Variants in FMN1 observed in about 807,000 individuals in gnomAD.
FMN1 encodes formin 1.
In FMN1, 110 loss-of-function variants were observed where a neutral mutation model predicts 132.4. That is an observed-to-expected ratio of 0.83 (90% CI 0.71 to 0.97). The LOEUF (loss-of-function observed/expected upper bound fraction) is 0.97, where lower values mean the gene tolerates loss of function less well. FMN1 is among the 50% of genes least tolerant of loss of function. FMN1 has a pLI of 0.00. For synonymous variants in FMN1, 722 were observed against 651.7 expected, an observed-to-expected ratio of 1.11 and a Z score of -1.64; for missense variants, 1,792 against 1,705.3, an observed-to-expected ratio of 1.05 and a Z score of -0.90.
chr15:32,906,335 G>A (rs1052895362), intron 12 of FMN1, among the ~76,000 whole-genome samples: 13 of 152,170 alleles, frequency 8.5e-5, no homozygotes, highest in African/African-American at 2.9e-4. Flanking sequence ...AGAGTCAACA[G>A]AAGGACAACA....
chr15:33,179,662 G>C (rs1165134874), intron 3 of FMN1, among the ~76,000 whole-genome samples: 1 of 152,180 alleles, frequency 6.6e-6, no homozygotes, highest in Non-Finnish European at 1.5e-5. Context: ...GTCATGAAAA[G>C]AGTTTTGTTC....
chr15:33,128,830 C>T (rs533786093), intron 4 of FMN1, among the ~76,000 whole-genome samples: 24 of 152,346 alleles, frequency 1.6e-4, no homozygotes, highest in Non-Finnish European at 2.4e-4. Context: ...ACAAAGCCTC[C>T]GCAATGCGGA....
intron 3 of FMN1, among the ~76,000 whole-genome samples, chr15:33,179,745 AATCACT>A (rs1965632328): frequency 2.0e-5 from 3 of 152,258 alleles, no homozygotes; most frequent in African/African-American, 4.8e-5. Context: ...CCATTGAGTG[AATCACT>A]TATTAATACA....
At position 33,044,158 on chromosome 15, in the gene FMN1, C is replaced by A. The variant is rs1248913414; in HGVS notation, c.2161+20799G>T. Reference sequence around the variant, plus strand: ...CTTGGTGCCCTCAAGACTTTGGGCACCAATGAGCATGGGATGGAGGCTGAG... The same window carrying A: ...CTTGGTGCCCTCAAGACTTTGGGCAACAATGAGCATGGGATGGAGGCTGAG... On this transcript the variant is annotated intron_variant, in intron 6 of 20. Coordinates refer to ENST00000616417, the MANE Select transcript of FMN1 (RefSeq NM_001277313.2). 2.6e-5 allele frequency among the ~76,000 whole-genome samples: 4 copies of A among 152,328 alleles called. No individual in the cohort carries two copies. The East Asian group carries it at 5.8e-4, about 22-fold the overall frequency.
intron 2 of FMN1, among the ~76,000 whole-genome samples, chr15:33,190,502 G>A (rs1374996070): frequency 3.9e-5 from 6 of 152,016 alleles, no homozygotes; most frequent in South Asian, 2.1e-4. Context: ...TATGTTTCAC[G>A]GAGGACATCA....
intron 18 of FMN1, among the ~76,000 whole-genome samples, chr15:32,801,494 C>T (rs2057477176): frequency 6.6e-6 from 1 of 152,074 alleles, no homozygotes; most frequent in South Asian, 2.1e-4. Context: ...TGGCCGGGCA[C>T]AGTGGCTCAC....
At chr15:32,909,406 C>T (rs1389436090) in intron 11 of FMN1, among the ~76,000 whole-genome samples, 5 of 152,124 alleles carry the variant, frequency 3.3e-5, no homozygotes, top group Non-Finnish European at 5.9e-5. Context: ...GGTTTATTAA[C>T]GAAAGCTTTA....
intron 19 of FMN1, among the ~76,000 whole-genome samples, chr15:32,787,059 G>A (rs991929620): frequency 1.3e-5 from 2 of 152,188 alleles, no homozygotes; most frequent in South Asian, 2.1e-4. Flanking sequence ...AGTCACTCAC[G>A]AGGCATTTCT....
intron 10 of FMN1, among the ~76,000 whole-genome samples, chr15:32,912,287 C>A (rs1427071301): frequency 6.6e-6 from 1 of 152,108 alleles, no homozygotes; most frequent in Non-Finnish European, 1.5e-5. Context: ...GTCAGCTGTG[C>A]CCCTTCCAGT....
chr15:32,783,272 A>G (rs1486501128), intron 19 of FMN1, among the ~76,000 whole-genome samples: 1 of 152,252 alleles, frequency 6.6e-6, no homozygotes, highest in Non-Finnish European at 1.5e-5. Context: ...TCTCAGTAAA[A>G]TTTTTGAAAA....
At chr15:33,056,244 C>A (rs1159634349) in intron 6 of FMN1, among the ~76,000 whole-genome samples, 1 of 152,138 alleles carries the variant, frequency 6.6e-6, no homozygotes, top group Non-Finnish European at 1.5e-5. Flanking sequence ...AAAGGCATGT[C>A]CAAGGGTGTT....
chr15:33,005,248 TG>T (rs1365076281), intron 7 of FMN1, among the ~76,000 whole-genome samples: 2 of 150,876 alleles, frequency 1.3e-5, no homozygotes, highest in Non-Finnish European at 3.0e-5. Context: ...ACCACCCAGA[TG>T]GCAATAGTGA....
At chr15:33,149,545 T>G (rs995272508) in intron 4 of FMN1, among the ~76,000 whole-genome samples, 26 of 152,170 alleles carry the variant, frequency 1.7e-4, no homozygotes, top group African/African-American at 6.3e-4. Flanking sequence ...TTCCTAAAAG[T>G]GGGATTGCCA....
rs1468425652 is a variant in FMN1 at position 33,153,045 on chromosome 15, A to G, written c.1867+3T>C. On this transcript the variant is annotated splice_donor_region_variant and intron_variant, in intron 4 of 20. Coordinates refer to ENST00000616417, the MANE Select transcript of FMN1 (RefSeq NM_001277313.2). Reference sequence around the variant, plus strand: ...ATTCAAAGCATCTTAAACAGAGACTAACCTGGAGGTGACTGGTGCTGGGGC... The same window carrying G: ...ATTCAAAGCATCTTAAACAGAGACTGACCTGGAGGTGACTGGTGCTGGGGC... The G allele has an allele frequency of 6.6e-7, 1 of 1,509,702 alleles. No homozygotes were observed. Among genetic ancestry groups the G allele is most frequent in the Non-Finnish European group, 8.8e-7 (1 of 1,136,342 alleles). 93.5% of individuals were successfully genotyped at this position (1,509,702 alleles called of 1,614,324 possible). A position where few individuals can be genotyped will look rare whatever the true frequency, so the allele number is the denominator to read the frequency against.
chr15:32,870,347 C>T (rs2059486873), intron 16 of FMN1, among the ~76,000 whole-genome samples: 1 of 152,188 alleles, frequency 6.6e-6, no homozygotes, highest in South Asian at 2.1e-4. Context: ...TAAAAATAAA[C>T]CCACCAGGAA....
chr15:33,136,107 C>T (rs1290050149), intron 4 of FMN1, among the ~76,000 whole-genome samples: 4 of 152,180 alleles, frequency 2.6e-5, no homozygotes, highest in Non-Finnish European at 4.4e-5. Context: ...TACTTAAGTT[C>T]AGAGCAGATG....
chr15:32,993,387 G>A (rs2033561162), intron 7 of FMN1, among the ~76,000 whole-genome samples: 1 of 152,028 alleles, frequency 6.6e-6, no homozygotes, highest in South Asian at 2.1e-4. Flanking sequence ...ATAGATAAGG[G>A]TCATGCCATA....
chr15:33,163,334 G>T (rs1201636018), intron 3 of FMN1, among the ~76,000 whole-genome samples: 1 of 145,146 alleles, frequency 6.9e-6, no homozygotes, highest in African/African-American at 2.5e-5. Context: ...CGCTCTCGTT[G>T]CCCAGGCTGG....
In FMN1 at chr15:32,770,288, T is replaced by C. The variant is rs750500604; in HGVS notation, c.*4022A>G. ...GACTTGGCGCAATTTGCTGTGCTGT[T>C]GTATGCAATGATCTGCATCAATGAC... On this transcript the variant is annotated 3_prime_UTR_variant, in exon 21 of 21. Coordinates refer to ENST00000616417, the MANE Select transcript of FMN1 (RefSeq NM_001277313.2). 2.0e-5 allele frequency: 3 copies of C among 152,192 alleles called. No individual in the cohort carries two copies. Among genetic ancestry groups the C allele is most frequent in the Admixed American group, 6.5e-5 (1 of 15,286 alleles). The allele number at this position is 152,192 out of a possible 1,614,324, so 9.4% of individuals were successfully genotyped here. A position where few individuals can be genotyped will look rare whatever the true frequency, so the allele number is the denominator to read the frequency against.
Sources: gnomAD v4.1 joint callset for allele counts (sites outside exome capture counted in the v4.1 genomes callset) on GRCh38, gnomAD v4.1.1 for gene constraint, MANE v1.5 for transcripts, NCBI Gene and HGNC (gene_info 2026-07-23, HGNC 2026-07-21) for gene names.